Variants in EVI5 observed in about 807,000 individuals in gnomAD.
EVI5 encodes the protein ecotropic viral integration site 5 protein homolog.
A neutral mutation model predicts 112.0 loss-of-function variants in EVI5; 73 were observed. That is an observed-to-expected ratio of 0.65 (90% confidence interval 0.54 to 0.79). The LOEUF (loss-of-function observed/expected upper bound fraction) is 0.79. Ranked by LOEUF, EVI5 falls within the 30% of genes least tolerant of loss-of-function variation. The pLI is 0.00. For synonymous variants in EVI5, 305 were observed against 319.9 expected (o/e 0.95, Z 0.50); for missense variants, 900 against 968.8 (o/e 0.93, Z 0.94).
At chr1:92,677,594 C>T (rs983326567) in intron 9 of EVI5, among the ~76,000 whole-genome samples, 2 of 152,088 alleles carry the variant, frequency 1.3e-5, no homozygotes, top group Non-Finnish European at 2.9e-5. Context: ...CTGGTACCAA[C>T]ATTGACTTTG....
At chr1:92,669,800 T>A (rs946728880) in intron 10 of EVI5, among the ~76,000 whole-genome samples, 1 of 152,114 alleles carries the variant, frequency 6.6e-6, no homozygotes, top group African/African-American at 2.4e-5. Context: ...TACCACCTGA[T>A]TGATTCTCAA....
upstream of EVI5, among the ~76,000 whole-genome samples, chr1:92,787,738 T>G (rs1685741629): frequency 7.0e-6 from 1 of 142,836 alleles, no homozygotes; most frequent in South Asian, 2.2e-4. Flanking sequence ...AGATCTTGTC[T>G]CAAAAAAAAA....
intron 1 of EVI5, among the ~76,000 whole-genome samples, chr1:92,771,041 C>G (rs563805096): frequency 2.2e-4 from 33 of 151,884 alleles, no homozygotes; most frequent in Non-Finnish European, 1.2e-4. Context: ...GTCTTGAACT[C>G]CTGACCTCAG....
intron 9 of EVI5, among the ~76,000 whole-genome samples, chr1:92,688,780 T>C (rs1397359058): frequency 6.6e-6 from 1 of 152,224 alleles, no homozygotes; most frequent in African/African-American, 2.4e-5. Context: ...CTCTAACATA[T>C]AATTTTAATA....
chr1:92,709,911 G>A (rs933132719), intron 2 of EVI5, among the ~76,000 whole-genome samples: 3 of 151,670 alleles, frequency 2.0e-5, no homozygotes, highest in Non-Finnish European at 4.4e-5. Flanking sequence ...GGGGAGGGGC[G>A]CACTGCCTGA....
At chr1:92,701,690 ACTAT>A (rs1479482162) in intron 5 of EVI5, among the ~76,000 whole-genome samples, 2 of 151,944 alleles carry the variant, frequency 1.3e-5, no homozygotes, top group Non-Finnish European at 2.9e-5. Flanking sequence ...GCTGAGTACC[ACTAT>A]TTTAGGGCAT....
chr1:92,621,048 C>CT (rs1311244032), intron 16 of EVI5, among the ~76,000 whole-genome samples: 1 of 151,708 alleles, frequency 6.6e-6, no homozygotes, highest in African/African-American at 2.4e-5. Flanking sequence ...AAGGTAAACT[C>CT]TATTTATTGT....
chr1:92,716,348 C>T (rs1023287130), intron 2 of EVI5, among the ~76,000 whole-genome samples: 20 of 152,180 alleles, frequency 1.3e-4, no homozygotes, highest in Non-Finnish European at 5.9e-5. Flanking sequence ...GGACCTCTGG[C>T]AAATTCCAAC....
At chr1:92,748,721 T>C (rs1679707828) in intron 1 of EVI5, among the ~76,000 whole-genome samples, 1 of 152,142 alleles carries the variant, frequency 6.6e-6, no homozygotes, top group Non-Finnish European at 1.5e-5. Context: ...AAAAACATCT[T>C]TTCACTTGTC....
At chr1:92,545,324 T>G (rs1665499131) in intron 19 of EVI5, among the ~76,000 whole-genome samples, 1 of 151,952 alleles carries the variant, frequency 6.6e-6, no homozygotes, top group Non-Finnish European at 1.5e-5. Context: ...GATCCTCCTG[T>G]CTCGGCCTCC....
intron 18 of EVI5, among the ~76,000 whole-genome samples, chr1:92,599,958 G>C (rs1648764066): frequency 6.6e-6 from 1 of 152,270 alleles, no homozygotes; most frequent in Admixed American, 6.5e-5. Flanking sequence ...GTTTTAGAGA[G>C]ACAGCTTTTT....
rs143100015 is a variant in EVI5 at position 92,677,170 on chromosome 1, T to C, written c.1146A>G (p.Gln382=). ...CCCAACTGCTTACTTTAATTTCAAC[T>C]TGCTCTTCCATTTCTTTCGTTTTTA... ...TTIKTKEMEE[Q]VEIKRLRTEN... The change falls in exon 10 of 20, where the codon CAA becomes CAG. Residue 382 remains glutamine (Q), a synonymous_variant. Transcript: ENST00000684568. The C allele has an allele frequency of 8.8e-6, 14 of 1,589,932 alleles. No homozygotes were observed. The highest frequency in any genetic ancestry group is 1.2e-5 in the Non-Finnish European group (14 of 1,163,442).
rs2102548705 is a variant in EVI5 at position 92,703,761 on chromosome 1, G to A, written c.340-142C>T. On this transcript the variant is annotated intron_variant, in intron 3 of 19. Transcript: ENST00000684568. ...CAAAGCTAGCTTTATAATAAGACTA[G>A]GGAACCCTGTAAGTCAAGGGTAAGA... 3 of 604,508 alleles carry A rather than the reference G, an allele frequency of 5.0e-6. No individual in the cohort carries two copies. In the East Asian group the frequency reaches 9.1e-5, roughly 18 times the overall value. 37.4% of individuals were successfully genotyped at this position (604,508 alleles called of 1,614,324 possible). A position where few individuals can be genotyped will look rare whatever the true frequency, so the allele number is the denominator to read the frequency against.
intron 5 of EVI5, among the ~76,000 whole-genome samples, chr1:92,699,625 T>C (rs931287851): frequency 7.9e-5 from 12 of 152,154 alleles, no homozygotes; most frequent in African/African-American, 2.9e-4. Context: ...CTATACCATA[T>C]AGCTTACTAT....
intron 18 of EVI5, among the ~76,000 whole-genome samples, chr1:92,577,732 T>A (rs1571653525): frequency 6.6e-6 from 1 of 152,194 alleles, no homozygotes; most frequent in Admixed American, 6.5e-5. Context: ...AAGGAAAGCA[T>A]CAAATATCCA....
chr1:92,677,975 C>G (rs922454401), intron 9 of EVI5, among the ~76,000 whole-genome samples: 5 of 152,104 alleles, frequency 3.3e-5, no homozygotes, highest in Admixed American at 2.6e-4. Context: ...AACCCATGTT[C>G]TCCCTTACAA....
At chr1:92,647,403 A>T (rs889303476) in intron 13 of EVI5, 1 of 282,108 alleles carries the variant, frequency 3.5e-6, no homozygotes, top group African/African-American at 2.2e-5. Flanking sequence ...TGCCTCACTT[A>T]ACTGGTTCAC....
intron 18 of EVI5, among the ~76,000 whole-genome samples, chr1:92,599,504 T>G (rs1648663210): frequency 6.6e-6 from 1 of 152,048 alleles, no homozygotes; most frequent in African/African-American, 2.4e-5. Context: ...TGAATCTTAA[T>G]CTGTATTAAA....
intron 2 of EVI5, among the ~76,000 whole-genome samples, chr1:92,705,927 A>G (rs1361540044): frequency 6.6e-6 from 1 of 152,208 alleles, no homozygotes; most frequent in South Asian, 2.1e-4. Context: ...ACTCATCTTT[A>G]TATCCCTTAG....
Sources: allele counts gnomAD v4.1 joint callset (sites outside exome capture counted in the v4.1 genomes callset), GRCh38; gene constraint gnomAD v4.1.1; transcripts MANE v1.5; gene names NCBI Gene and HGNC (gene_info 2026-07-23, HGNC 2026-07-21).